The following NRG1 variants were observed in gnomAD, a reference collection of about 807,000 sequenced individuals.
NRG1 encodes the protein pro-neuregulin-1, membrane-bound isoform.
Under a neutral mutation model 63.8 loss-of-function variants are expected in NRG1, and 18 were observed. The observed-to-expected ratio is 0.28, with a 90% confidence interval of 0.19 to 0.42. The LOEUF is 0.42. Among genes scored for constraint, NRG1 ranks in the 10% least tolerant of loss-of-function variants. The pLI, the probability that NRG1 is intolerant of heterozygous loss-of-function variation, is 1.00. For missense variants in NRG1, 762 were observed against 814.7 expected, an observed-to-expected ratio of 0.94 and a Z score of 0.79; for synonymous variants, 302 against 301.3, an observed-to-expected ratio of 1.00 and a Z score of -0.02.
chr8:32,708,504 C>T (rs1307524073), intron 5 of NRG1, among the ~76,000 whole-genome samples: 1 of 152,178 alleles, frequency 6.6e-6, no homozygotes, highest in African/African-American at 2.4e-5. Flanking sequence ...TGAGAACCTC[C>T]ATTGAATAAG....
intron 1 of NRG1, among the ~76,000 whole-genome samples, chr8:32,442,289 G>A (rs758880071): frequency 1.3e-5 from 2 of 152,154 alleles, no homozygotes; most frequent in East Asian, 3.9e-4. Flanking sequence ...CCTTCTGCAG[G>A]TTTACCTGAG....
chr8:32,685,394 T>C (rs7827391), intron 5 of NRG1, among the ~76,000 whole-genome samples: 76,841 of 151,850 alleles, frequency 0.51, 19,526 homozygotes, highest in Middle Eastern at 0.56. Flanking sequence ...AACTCCTCCC[T>C]TGGAGACTTG....
At chr8:32,687,595 C>A (rs1279683498) in intron 5 of NRG1, among the ~76,000 whole-genome samples, 1 of 152,116 alleles carries the variant, frequency 6.6e-6, no homozygotes, top group Non-Finnish European at 1.5e-5. Context: ...AGGCAGGGAC[C>A]CTCTAGTTGC....
chr8:31,984,724 A>T (rs1323918986), intron 1 of NRG1, among the ~76,000 whole-genome samples: 1 of 152,074 alleles, frequency 6.6e-6, no homozygotes, highest in Non-Finnish European at 1.5e-5. Context: ...GGCAAACCAC[A>T]ATTGCCAAGT....
At chr8:32,334,286 G>T (rs1003732883) in intron 1 of NRG1, among the ~76,000 whole-genome samples, 1 of 152,142 alleles carries the variant, frequency 6.6e-6, no homozygotes, top group Admixed American at 6.5e-5. Flanking sequence ...TTGGAATCAT[G>T]AAAACTGTCT....
intron 5 of NRG1, among the ~76,000 whole-genome samples, chr8:32,701,655 C>T (rs1361002182): frequency 6.6e-6 from 1 of 152,130 alleles, no homozygotes; most frequent in African/African-American, 2.4e-5. Context: ...ATGTTTTCAA[C>T]TAAAAGATGA....
At chr8:32,671,991 G>T (rs1244753843) in intron 5 of NRG1, among the ~76,000 whole-genome samples, 5 of 151,382 alleles carry the variant, frequency 3.3e-5, no homozygotes, top group Non-Finnish European at 7.4e-5. Context: ...CTACACCTCT[G>T]CTTGCCTGGA....
chr8:32,643,306 G>T (rs1455530979), intron 5 of NRG1, among the ~76,000 whole-genome samples: 2 of 152,148 alleles, frequency 1.3e-5, no homozygotes, highest in Non-Finnish European at 2.9e-5. Context: ...CCAATAGGAT[G>T]CAGTGGAAAT....
chr8:32,571,070 G>C (rs1838493182), intron 1 of NRG1, among the ~76,000 whole-genome samples: 1 of 152,138 alleles, frequency 6.6e-6, no homozygotes, highest in South Asian at 2.1e-4. Flanking sequence ...AGCCTATGGT[G>C]GGAAAGGTGG....
chr8:32,123,513 GGT>G (rs2131571911), intron 1 of NRG1, among the ~76,000 whole-genome samples: 1 of 151,214 alleles, frequency 6.6e-6, no homozygotes, highest in African/African-American at 2.4e-5. Flanking sequence ...CCCAGTCTTG[GGT>G]ATGTCTTCAT....
chr8:32,255,692 T>C (rs907402922), intron 1 of NRG1, among the ~76,000 whole-genome samples: 6 of 152,194 alleles, frequency 3.9e-5, no homozygotes, highest in Non-Finnish European at 7.4e-5. Context: ...TGTCTTGGGG[T>C]TGCTCTTCTT....
intron 1 of NRG1, among the ~76,000 whole-genome samples, chr8:32,298,441 T>A (rs1855150985): frequency 6.6e-6 from 1 of 152,170 alleles, no homozygotes; most frequent in Non-Finnish European, 1.5e-5. Context: ...ACAAAGATGA[T>A]ATTGTTTCAA....
intron 1 of NRG1, among the ~76,000 whole-genome samples, chr8:32,549,262 A>G (rs1175518518): frequency 6.6e-6 from 1 of 152,202 alleles, no homozygotes; most frequent in Non-Finnish European, 1.5e-5. Context: ...GGCCGCCTGG[A>G]GGGAGAGCCG....
At chr8:31,723,119 AAAAT>A (rs1164775247) in intron 1 of NRG1, among the ~76,000 whole-genome samples, 4 of 152,204 alleles carry the variant, frequency 2.6e-5, no homozygotes, top group African/African-American at 7.2e-5. Flanking sequence ...TTGATCTTAT[AAAAT>A]AAATAAAGAT....
At chr8:32,418,628 A>G (rs1470583472) in intron 1 of NRG1, among the ~76,000 whole-genome samples, 1 of 152,136 alleles carries the variant, frequency 6.6e-6, no homozygotes, top group Non-Finnish European at 1.5e-5. Context: ...TTAAAATGAT[A>G]AGTCTATAAG....
chr8:31,775,649 C>A (rs1819044908), intron 1 of NRG1, among the ~76,000 whole-genome samples: 1 of 151,984 alleles, frequency 6.6e-6, no homozygotes, highest in African/African-American at 2.4e-5. Context: ...GCACGGAGGC[C>A]AAGGCAGGCG....
chr8:32,535,089 G>A lies in NRG1; in HGVS notation c.38-60739G>A, dbSNP rs1047199053. Among the ~76,000 whole-genome samples the A allele has an allele frequency of 3.3e-5, 5 of 152,112 alleles. No individual in the cohort carries two copies. The East Asian group carries it at 9.6e-4, about 29-fold the overall frequency. On this transcript the variant is annotated intron_variant, in intron 1 of 10. Coordinates refer to the NRG1 transcript ENST00000519301. The stretch of plus-strand genomic sequence containing the variant: ...AAGGAACCTTTTTCTAAACTGCATA[G>A]CTATAATTCTATTCCAGCTGATTTT...
chr8:31,712,989 CCATCCATCCAT>C (rs1811947465), intron 1 of NRG1, among the ~76,000 whole-genome samples: 19 of 19,182 alleles, frequency 9.9e-4, no homozygotes, highest in Admixed American at 4.4e-3. Context: ...ATCCACCCAT[CCATCCATCCAT>C]CCATCCATCC....
intron 5 of NRG1, among the ~76,000 whole-genome samples, chr8:32,650,342 G>A (rs1490732476): frequency 6.6e-6 from 1 of 152,060 alleles, no homozygotes; most frequent in African/African-American, 2.4e-5. Flanking sequence ...GTTTTGAAGT[G>A]CATCGGAGAT....
Sources: allele counts gnomAD v4.1 joint callset (sites outside exome capture counted in the v4.1 genomes callset), GRCh38; gene constraint gnomAD v4.1.1; transcripts MANE v1.5; gene names NCBI Gene and HGNC (gene_info 2026-07-23, HGNC 2026-07-21).